Variants in PODXL observed in about 807,000 individuals in gnomAD.
PODXL encodes podocalyxin.
In PODXL, 20 loss-of-function variants were observed where a neutral mutation model predicts 48.9. That is an observed-to-expected ratio of 0.41 (90% CI 0.29 to 0.59). PODXL has a LOEUF of 0.59. PODXL is among the 20% of genes least tolerant of loss of function. The pLI is 0.31. For missense variants in PODXL, 606 were observed against 675.1 expected, an observed-to-expected ratio of 0.90 and a Z score of 1.13; for synonymous variants, 295 against 287.4, an observed-to-expected ratio of 1.03 and a Z score of -0.27.
intron 1 of PODXL, among the ~76,000 whole-genome samples, chr7:131,528,939 G>A (rs573908060): frequency 6.2e-4 from 95 of 152,268 alleles, no homozygotes; most frequent in Non-Finnish European, 1.1e-3. Flanking sequence ...TTCAAGCATC[G>A]TGATGTGGGT....
intron 1 of PODXL, among the ~76,000 whole-genome samples, chr7:131,519,868 A>G (rs1308027217): frequency 6.6e-6 from 1 of 152,078 alleles, no homozygotes; most frequent in African/African-American, 2.4e-5. Flanking sequence ...GACTACAGGC[A>G]TGTACCACCA....
At position 131,502,289 on chromosome 7, in the gene PODXL, A is replaced by C. The variant is rs1186390390; in HGVS notation, c.*2022T>G. The C allele has an allele frequency of 6.6e-6, 1 of 152,174 alleles. No individual in the cohort carries two copies. The highest frequency in any genetic ancestry group is 1.5e-5 in the Non-Finnish European group (1 of 68,046). The allele number at this position is 152,174 out of a possible 1,614,324, so 9.4% of individuals were successfully genotyped here. A position where few individuals can be genotyped will look rare whatever the true frequency, so the allele number is the denominator to read the frequency against. On this transcript the variant is annotated 3_prime_UTR_variant, in exon 9 of 9. Transcript: ENST00000378555. ...CTAACAAGATTTCCTGTTTTCCCCC[A>C]AACAGGCACTGTTCTCCATCCTGCC...
chr7:131,547,582 CAG>C (rs1389736865), intron 1 of PODXL, among the ~76,000 whole-genome samples: 2 of 152,178 alleles, frequency 1.3e-5, no homozygotes, highest in African/African-American at 4.8e-5. Context: ...CTCTTAACTG[CAG>C]AGTCTAGGGC....
intron 1 of PODXL, among the ~76,000 whole-genome samples, chr7:131,553,426 C>T (rs536756292): frequency 1.3e-5 from 2 of 152,284 alleles, no homozygotes; most frequent in Admixed American, 1.3e-4. Context: ...TTGGCAGGAT[C>T]CCAATGCCTG....
At chr7:131,526,965 C>T (rs1023623622) in intron 1 of PODXL, among the ~76,000 whole-genome samples, 3 of 152,052 alleles carry the variant, frequency 2.0e-5, no homozygotes, top group Non-Finnish European at 1.5e-5. Context: ...TCTCAAACTC[C>T]TGACCTCAAG....
chr7:131,523,678 CAAAAAAAAAAAAAA>C (rs753654977), intron 1 of PODXL, among the ~76,000 whole-genome samples: 1 of 61,940 alleles, frequency 1.6e-5, no homozygotes, highest in Non-Finnish European at 2.5e-5. Flanking sequence ...GAATCCGTCT[CAAAAAAAAAAAAAA>C]AAAAAAAAAA....
intron 5 of PODXL, among the ~76,000 whole-genome samples, chr7:131,508,705 CG>C (rs1168855055): frequency 1.2e-5 from 1 of 81,910 alleles, no homozygotes; most frequent in Non-Finnish European, 2.3e-5. Context: ...CCGAGGAAAC[CG>C]GGGGGTGGGA....
Position 131,511,123 on chromosome 7 carries a change from G to C in PODXL, c.411C>G (p.Ser137=), listed in dbSNP as rs1797905685. ...TGGTGTTAGGTTTAGCTGTGGCTGT[G>C]GAGGTTGCAACTGTAGTGGTGTCTG... ...KSADTTTVAT[S]TATAKPNTTS... The change falls in exon 2 of 9, where the codon TCC becomes TCG. Residue 137 remains serine (S), a synonymous_variant. Coordinates refer to ENST00000378555, the MANE Select transcript of PODXL (RefSeq NM_001018111.3). 6.2e-7 allele frequency: 1 copy of C among 1,613,910 alleles called. No homozygotes were observed. The highest frequency in any genetic ancestry group is 1.1e-5 in the South Asian group (1 of 91,064).
chr7:131,543,665 G>A (rs1562917391), intron 1 of PODXL, among the ~76,000 whole-genome samples: 1 of 152,092 alleles, frequency 6.6e-6, no homozygotes, highest in Non-Finnish European at 1.5e-5. Context: ...ACATATACCT[G>A]GCTCCAGGTG....
intron 2 of PODXL, 52 bp from the exon 3 acceptor site, chr7:131,510,383 C>T (rs1797891698): frequency 1.4e-5 from 4 of 291,892 alleles, no homozygotes; most frequent in South Asian, 1.1e-4. Context: ...TGCTGGTGCA[C>T]ACCTGTAGTC....
chr7:131,509,158 A>G, intron 4 of PODXL, 130 bp from the exon 5 acceptor site: 1 of 913,854 alleles, frequency 1.1e-6, no homozygotes, highest in Non-Finnish European at 1.8e-6. Context: ...GACCCATTCC[A>G]GAGCCAGGTA....
chr7:131,510,737 G>A, intron 2 of PODXL, 91 bp downstream of exon 2: 1 of 1,496,624 alleles, frequency 6.7e-7, no homozygotes. Flanking sequence ...CTCCCAAAGT[G>A]CTGGGATTAC....
In PODXL at chr7:131,511,034, G is replaced by A; in HGVS notation, c.500C>T (p.Thr167Ile). The change falls in exon 2 of 9, where the codon ACC (threonine) becomes ATC (isoleucine). Residue 167 changes from threonine to isoleucine, a missense_variant. By Grantham distance (89) the Thr-to-Ile change is moderately conservative. Transcript: ENST00000378555. ...TGCCTTAGTGGATGTGAGGTCTGTG[G>A]TCACACTGTGGCTGCTTTTCCCCCC... ...NSGGKSSHSV[T>I]TDLTSTKAEH... is the part of the protein sequence containing the mutation. 6.2e-7 allele frequency: 1 copy of A among 1,614,130 alleles called. No homozygotes were observed. The highest frequency in any genetic ancestry group is 8.5e-7 in the Non-Finnish European group (1 of 1,180,002).
At chr7:131,520,843 A>T (rs1327045779) in intron 1 of PODXL, among the ~76,000 whole-genome samples, 2 of 152,238 alleles carry the variant, frequency 1.3e-5, no homozygotes, top group African/African-American at 4.8e-5. Context: ...CAGAGACTGG[A>T]AAGAACTTTG....
Position 131,504,106 on chromosome 7 carries a change from A to G in PODXL, c.*205T>C. On this transcript the variant is annotated 3_prime_UTR_variant, in exon 9 of 9. Coordinates refer to ENST00000378555, the MANE Select transcript of PODXL (RefSeq NM_001018111.3). ...TCCAGCAGCACTGAGCTCAGGCACT[A>G]GTGGGTTATTTTACAAGAGGAATCT... is the stretch of plus-strand genomic sequence containing the variant. The G allele has an allele frequency of 3.4e-6, 2 of 588,148 alleles. No homozygotes were observed. The highest frequency in any genetic ancestry group is 3.0e-6 in the Non-Finnish European group (1 of 329,512). The allele number at this position is 588,148 out of a possible 1,614,324, so 36.4% of individuals were successfully genotyped here.
chr7:131,552,357 G>A (rs369674420), intron 1 of PODXL, among the ~76,000 whole-genome samples: 16 of 152,286 alleles, frequency 1.1e-4, no homozygotes, highest in African/African-American at 3.6e-4. Context: ...CCTGAGGGTG[G>A]CTAGGAGTGG....
chr7:131,548,828 C>A (rs1798624325), intron 1 of PODXL, among the ~76,000 whole-genome samples: 1 of 110,772 alleles, frequency 9.0e-6, no homozygotes, highest in South Asian at 2.8e-4. Context: ...CCATATGCCC[C>A]CAGGACCTAG....
chr7:131,506,004 T>A lies in PODXL; in HGVS notation c.1343A>T (p.Gln448Leu). 1.9e-6 allele frequency: 3 copies of A among 1,612,760 alleles called. No individual in the cohort carries two copies. Among genetic ancestry groups the A allele is most frequent in the Middle Eastern group, 3.3e-4 (2 of 6,060 alleles). ...AGVSDMKLGD[Q>L]GPPEEAEDRF... ...GTCCTCGGCCTCCTCCGGTGGCCCCTGGTCCCCTAGCTTCATGTCACTGAC... is the reference window on the plus strand; with the variant it reads ...GTCCTCGGCCTCCTCCGGTGGCCCCAGGTCCCCTAGCTTCATGTCACTGAC... Residue 448 changes from glutamine (Q) to leucine (L), a missense_variant, in exon 8 of 9, where the codon CAG (glutamine) becomes CTG (leucine). Physicochemically the swap from Gln to Leu is moderately radical, Grantham distance 113 (BLOSUM62 -2). Coordinates refer to ENST00000378555, the MANE Select transcript of PODXL (RefSeq NM_001018111.3).
Position 131,503,687 on chromosome 7 carries a change from A to C in PODXL, c.*624T>G, listed in dbSNP as rs976277030. ...GCCCCAGGACAGAGTAAGTGGGAAC[A>C]AACACTGAGTGTAGGGAGGGGTAAG... is the stretch of plus-strand genomic sequence containing the variant. On this transcript the variant is annotated 3_prime_UTR_variant, in exon 9 of 9. Transcript: ENST00000378555. The C allele has an allele frequency of 6.5e-6, 1 of 153,898 alleles. No individual in the cohort carries two copies. Among genetic ancestry groups the C allele is most frequent in the African/African-American group, 2.4e-5 (1 of 41,462 alleles). 9.5% of individuals were successfully genotyped at this position (153,898 alleles called of 1,614,324 possible).
Sources: gnomAD v4.1 joint callset for allele counts (sites outside exome capture counted in the v4.1 genomes callset) on GRCh38, gnomAD v4.1.1 for gene constraint, MANE v1.5 for transcripts, NCBI Gene and HGNC (gene_info 2026-07-23, HGNC 2026-07-21) for gene names.